Variants in SIPA1L3 observed in about 807,000 individuals in gnomAD.
SIPA1L3 encodes the protein signal induced proliferation associated 1 like 3, also known as signal-induced proliferation-associated 1-like protein 3.
SIPA1L3 carries 59 observed loss-of-function variants against 150.1 expected under a neutral mutation model. The ratio of observed to expected loss-of-function variants is 0.39; its 90% confidence interval spans 0.32 to 0.49. SIPA1L3 has a LOEUF of 0.49. Ranked by LOEUF, SIPA1L3 falls within the 20% of genes least tolerant of loss-of-function variation. The pLI is 0.86. For missense variants in SIPA1L3, 2,211 were observed against 2,489.5 expected, an observed-to-expected ratio of 0.89 and a Z score of 2.38; for synonymous variants, 1,070 against 1,077.6, an observed-to-expected ratio of 0.99 and a Z score of 0.14.
intron 1 of SIPA1L3, among the ~76,000 whole-genome samples, chr19:37,921,975 A>T (rs1002202989): frequency 6.6e-4 from 100 of 151,960 alleles, no homozygotes; most frequent in Admixed American, 6.6e-3. Flanking sequence ...GTGTGGAGGG[A>T]ATGTCATGAG....
intron 8 of SIPA1L3, among the ~76,000 whole-genome samples, chr19:38,111,936 CACATGCACACACAT>C (rs1291586188): frequency 1.3e-4 from 19 of 151,992 alleles, no homozygotes; most frequent in East Asian, 3.9e-4. Context: ...TGCACACATG[CACATGCACACACAT>C]ACATGCACAC....
chr19:37,914,601 G>A (rs926880489), intron 1 of SIPA1L3, among the ~76,000 whole-genome samples: 3 of 151,908 alleles, frequency 2.0e-5, no homozygotes, highest in South Asian at 2.1e-4. Context: ...GGTCTCAAAC[G>A]CCTGACCTCA....
intron 1 of SIPA1L3, among the ~76,000 whole-genome samples, chr19:37,973,969 C>T (rs1460698415): frequency 6.6e-6 from 1 of 152,156 alleles, no homozygotes; most frequent in East Asian, 1.9e-4. Context: ...AGATCAGCAA[C>T]AGAGAGTGGG....
rs147238020 is a variant in SIPA1L3 at position 38,057,320 on chromosome 19, A to G, written c.-310-23936A>G. 2.9e-3 allele frequency among the ~76,000 whole-genome samples: 438 copies of G among 150,966 alleles called. 3 individuals carry two copies. Among genetic ancestry groups the G allele is most frequent in the African/African-American group, 0.01 (417 of 41,092 alleles). On this transcript the variant is annotated intron_variant, in intron 2 of 21. Coordinates refer to ENST00000222345, the MANE Select transcript of SIPA1L3 (RefSeq NM_015073.3). ...TATATGTGTATATATGTGTATACATATATACACACACACACACACGTATAT... is the reference window on the plus strand; with the variant it reads ...TATATGTGTATATATGTGTATACATGTATACACACACACACACACGTATAT...
chr19:38,154,672 TC>T (rs753298708), intron 13 of SIPA1L3, among the ~76,000 whole-genome samples: 1 of 152,072 alleles, frequency 6.6e-6, no homozygotes, highest in Non-Finnish European at 1.5e-5. Flanking sequence ...CGTCTCGAAC[TC>T]CTGACCTTGT....
chr19:37,988,013 T>C (rs896695688), intron 1 of SIPA1L3, among the ~76,000 whole-genome samples: 1 of 152,190 alleles, frequency 6.6e-6, no homozygotes, highest in African/African-American at 2.4e-5. Flanking sequence ...CTCTCTATTC[T>C]CCCCTCCTCC....
intron 1 of SIPA1L3, among the ~76,000 whole-genome samples, chr19:37,945,455 C>G (rs7257266): frequency 0.25 from 37,281 of 151,930 alleles, 5,836 homozygotes; most frequent in Non-Finnish European, 0.35. Context: ...CTAGACTGGT[C>G]TCGAATTCCT....
At chr19:38,175,031 TATC>T (rs975144997) in intron 15 of SIPA1L3, among the ~76,000 whole-genome samples, 44 of 152,244 alleles carry the variant, frequency 2.9e-4, no homozygotes, top group African/African-American at 1.0e-3. Flanking sequence ...GTGGTTAAAA[TATC>T]GTCTCTCAAA....
At chr19:38,166,942 A>T (rs1274708738) in intron 15 of SIPA1L3, among the ~76,000 whole-genome samples, 7 of 152,036 alleles carry the variant, frequency 4.6e-5, no homozygotes, top group African/African-American at 1.7e-4. Context: ...ATGTTAAAAA[A>T]AAAAAAAGGT....
At position 38,082,886 on chromosome 19, in the gene SIPA1L3, A is replaced by G; in HGVS notation, c.1321A>G (p.Asn441Asp). 1 of 1,613,430 alleles carries G rather than the reference A, an allele frequency of 6.2e-7. No individual in the cohort carries two copies. The highest frequency in any genetic ancestry group is 8.5e-7 in the Non-Finnish European group (1 of 1,179,894). Residue 441 changes from asparagine (N) to aspartate (D), a missense_variant, in exon 3 of 22, where the codon AAC becomes GAC. Physicochemically the swap from Asn to Asp is conservative, Grantham distance 23 (BLOSUM62 1). This residue lies in a region of SIPA1L3 where 587 missense variants were observed against 534.5 expected (regional missense o/e 1.10). Transcript: ENST00000222345. ...RNEIGGECER[N>D]VSFSRASVGS... ...TGAGATCGGGGGCGAGTGTGAGCGCAACGTGAGCTTCTCCCGGGCTTCCGT... is the reference window on the plus strand; with the variant it reads ...TGAGATCGGGGGCGAGTGTGAGCGCGACGTGAGCTTCTCCCGGGCTTCCGT...
At chr19:38,134,403 C>CAAAAAAAAAAAAAA in intron 10 of SIPA1L3, among the ~76,000 whole-genome samples, 1 of 64,040 alleles carries the variant, frequency 1.6e-5, no homozygotes, top group Non-Finnish European at 2.9e-5. Flanking sequence ...CAAGCTTTCT[C>CAAAAAAAAAAAAAA]AAAAAAAAAA....
intron 13 of SIPA1L3, among the ~76,000 whole-genome samples, chr19:38,157,284 G>T (rs980929700): frequency 6.6e-6 from 1 of 152,198 alleles, no homozygotes; most frequent in Non-Finnish European, 1.5e-5. Flanking sequence ...GTACAGTTTC[G>T]TGGATTGTCC....
chr19:38,100,213 AG>A (rs1970470337), intron 5 of SIPA1L3, 63 bp downstream of exon 5: 1 of 1,274,074 alleles, frequency 7.8e-7, no homozygotes, highest in African/African-American at 1.6e-5. Context: ...CACTCCTGGT[AG>A]CTTTTTCTAT....
chr19:38,100,612 A>G (rs1305434904), intron 5 of SIPA1L3, among the ~76,000 whole-genome samples: 1 of 152,198 alleles, frequency 6.6e-6, no homozygotes, highest in Non-Finnish European at 1.5e-5. Context: ...ACCAGTGACC[A>G]GGGGGATCCG....
rs1159889310 is a variant in SIPA1L3, at chr19:37,918,911, T to TAAAC, written c.-379+11556_-379+11557insCAAA. Among the ~76,000 whole-genome samples the TAAAC allele has an allele frequency of 9.4e-4, 140 of 149,670 alleles. 1 individual carries two copies. The highest frequency in any genetic ancestry group is 4.7e-3 in the South Asian group (22 of 4,728). ...ATAAATAAATAAATAAATAAATAAA[T>TAAAC]AAATAAACAAACTGCTGCTTTGGAC... On this transcript the variant is annotated intron_variant, in intron 1 of 21. Transcript: ENST00000222345.
intron 3 of SIPA1L3, among the ~76,000 whole-genome samples, chr19:38,084,740 C>G (rs954278476): frequency 6.7e-6 from 1 of 150,370 alleles, no homozygotes; most frequent in Admixed American, 6.7e-5. Context: ...CCTGGGTTCA[C>G]GCGATTCTCC....
chr19:38,178,793 G>A (rs984808027), intron 15 of SIPA1L3, among the ~76,000 whole-genome samples: 3 of 152,060 alleles, frequency 2.0e-5, no homozygotes, highest in African/African-American at 7.2e-5. Flanking sequence ...ATGTTAAGCT[G>A]AAGCCAGTCA....
chr19:37,917,425 A>G (rs1268303678), intron 1 of SIPA1L3, among the ~76,000 whole-genome samples: 1 of 152,214 alleles, frequency 6.6e-6, no homozygotes, highest in Non-Finnish European at 1.5e-5. Context: ...GCTACTGTCC[A>G]TCAAACTTGC....
chr19:38,193,465 G>A (rs1568603515), intron 17 of SIPA1L3, 72 bp from the exon 18 acceptor site: 2 of 1,393,268 alleles, frequency 1.4e-6, no homozygotes, highest in Non-Finnish European at 1.9e-6. Context: ...TCCTAGAGGG[G>A]AAGATGCCTC....
Sources: allele counts gnomAD v4.1 joint callset (sites outside exome capture counted in the v4.1 genomes callset), GRCh38; gene constraint gnomAD v4.1.1; regional missense constraint gnomAD v4.1.1; transcripts MANE v1.5; gene names NCBI Gene and HGNC (gene_info 2026-07-23, HGNC 2026-07-21).